ZNF558: variants seen among roughly 807,000 people sequenced by gnomAD.
The protein encoded by ZNF558 is zinc finger protein 558.
A neutral mutation model predicts 37.6 loss-of-function variants in ZNF558; 23 were observed. The observed-to-expected ratio is 0.61, with a 90% CI of 0.44 to 0.87. The LOEUF (loss-of-function observed/expected upper bound fraction) is 0.87. ZNF558 is among the 40% of genes least tolerant of loss of function. The probability of loss-of-function intolerance (pLI) is 0.00; values close to 1 mark genes in which losing one functional copy is unlikely to be tolerated. For missense variants in ZNF558, 429 were observed against 483.7 expected, an observed-to-expected ratio of 0.89 and a Z score of 1.06; for synonymous variants, 189 against 174.4, an observed-to-expected ratio of 1.08 and a Z score of -0.66.
rs2043780695 is a variant in ZNF558, at chr19:8,811,274, C to CTT, written c.*6_*7insAA. 1 of 1,544,606 alleles carries CTT rather than the reference C, an allele frequency of 6.5e-7. No homozygotes were observed. Among genetic ancestry groups the CTT allele is most frequent in the Non-Finnish European group, 8.7e-7 (1 of 1,148,460 alleles). ...GAGTGCTTTCCTCCAGAAGTTCCTGCAGTAATTCATATCCATCTATTATGT... is the reference window on the plus strand; with the variant it reads ...GAGTGCTTTCCTCCAGAAGTTCCTGCTTAGTAATTCATATCCATCTATTATGT... On this transcript the variant is annotated 3_prime_UTR_variant, in exon 10 of 10. Transcript: ENST00000601372.
At chr19:8,818,577 C>G (rs1213663233) in intron 7 of ZNF558, among the ~76,000 whole-genome samples, 1 of 152,036 alleles carries the variant, frequency 6.6e-6, no homozygotes, top group African/African-American at 2.4e-5. Flanking sequence ...TTCAGAAATA[C>G]ACAAACTGAT....
Position 8,826,020 on chromosome 19 carries a change from C to T in ZNF558, c.-508-912G>A, listed in dbSNP as rs139248622. ...GGGATGAGATGAGAGAAGAAGGGAGCGTGTGTGTAGCAGGGAGGAGATAAC... is the reference window on the plus strand; with the variant it reads ...GGGATGAGATGAGAGAAGAAGGGAGTGTGTGTGTAGCAGGGAGGAGATAAC... On this transcript the variant is annotated intron_variant, in intron 2 of 9. Coordinates refer to ENST00000601372, the MANE Select transcript of ZNF558 (RefSeq NM_144693.3). Among the ~76,000 whole-genome samples the T allele has an allele frequency of 1.5e-3, 235 of 152,112 alleles. 8 individuals carry two copies. The East Asian group carries it at 0.029, about 19-fold the overall frequency.
At position 8,824,320 on chromosome 19, in the gene ZNF558, C is replaced by T. The variant is rs2044180812; in HGVS notation, c.-304G>A. 2.0e-5 allele frequency: 3 copies of T among 152,214 alleles called. No individual in the cohort carries two copies. The highest frequency in any genetic ancestry group is 4.8e-5 in the African/African-American group (2 of 41,442). The allele number at this position is 152,214 out of a possible 1,614,324, so 9.4% of individuals were successfully genotyped here. A position where few individuals can be genotyped will look rare whatever the true frequency, so the allele number is the denominator to read the frequency against. On this transcript the variant is annotated 5_prime_UTR_variant, in exon 4 of 10. Coordinates refer to ENST00000601372, the MANE Select transcript of ZNF558 (RefSeq NM_144693.3). Reference sequence around the variant, plus strand: ...CTCTGACTCGCAGGCCATGGAGTGGCCCCCGGTACCCGTTGAGCCTTCAGA... The same window carrying T: ...CTCTGACTCGCAGGCCATGGAGTGGTCCCCGGTACCCGTTGAGCCTTCAGA...
chr19:8,830,709 TG>T (rs2044331480), intron 2 of ZNF558: 1 of 152,128 alleles, frequency 6.6e-6, no homozygotes, highest in Non-Finnish European at 1.5e-5. Flanking sequence ...CTGGCCAACA[TG>T]GCAAAAACCT....
Position 8,821,347 on chromosome 19 carries a change from C to G in ZNF558, c.121-41G>C, listed in dbSNP as rs762941109. ...CATCACGGCTTAGCCAAGGACCACC[C>G]CCACCAACGTGCACAGGAAGAGGGG... On this transcript the variant is annotated intron_variant, in intron 6 of 9. Coordinates refer to ENST00000601372, the MANE Select transcript of ZNF558 (RefSeq NM_144693.3). The G allele has an allele frequency of 2.5e-6, 4 of 1,614,024 alleles. No homozygotes were observed. In the East Asian group the frequency reaches 8.9e-5, roughly 36 times the overall value.
chr19:8,813,687 A>G (rs59697429), intron 7 of ZNF558, among the ~76,000 whole-genome samples: 22 of 152,352 alleles, frequency 1.4e-4, no homozygotes, highest in African/African-American at 5.3e-4. Context: ...ATTCTAGTGC[A>G]TATGGTAACT....
chr19:8,821,053 T>C, intron 7 of ZNF558, 127 bp downstream of exon 7: 2 of 1,400,682 alleles, frequency 1.4e-6, no homozygotes, highest in Middle Eastern at 2.1e-4. Flanking sequence ...GGACTGGATA[T>C]CTTAGAATGG....
At chr19:8,819,501 T>C (rs527695144) in intron 7 of ZNF558, among the ~76,000 whole-genome samples, 1 of 152,218 alleles carries the variant, frequency 6.6e-6, no homozygotes, top group South Asian at 2.1e-4. Flanking sequence ...CTTTTGTGCA[T>C]CAAAGGACAC....
intron 9 of ZNF558, 24 bp downstream of exon 9, chr19:8,812,537 A>G (rs1555768653): frequency 6.7e-7 from 1 of 1,492,428 alleles, no homozygotes; most frequent in East Asian, 2.4e-5. Flanking sequence ...GTAGAAAACC[A>G]GAAATCACCC....
At chr19:8,833,830 A>G (rs2044419266), upstream of ZNF558, among the ~76,000 whole-genome samples, 1 of 152,148 alleles carries the variant, frequency 6.6e-6, no homozygotes, top group South Asian at 2.1e-4. Context: ...TCTACTAAAA[A>G]TACAAAATTA....
chr19:8,813,292 C>T, intron 7 of ZNF558, 70 bp from the exon 8 acceptor site: 1 of 1,221,324 alleles, frequency 8.2e-7, no homozygotes, highest in Non-Finnish European at 1.2e-6. Flanking sequence ...GAAAGAAAGC[C>T]AACATTTATG....
At chr19:8,831,739 T>C (rs2044362104) in intron 1 of ZNF558, among the ~76,000 whole-genome samples, 1 of 152,216 alleles carries the variant, frequency 6.6e-6, no homozygotes, top group Admixed American at 6.5e-5. Context: ...TTTTTAACAA[T>C]TTATGTAGTT....
upstream of ZNF558, among the ~76,000 whole-genome samples, chr19:8,834,960 G>C (rs1031581481): frequency 2.0e-5 from 3 of 151,658 alleles, no homozygotes; most frequent in Admixed American, 1.3e-4. Flanking sequence ...ATTTACAAAT[G>C]ATTTATCTGA....
At chr19:8,827,336 T>C (rs913435626) in intron 2 of ZNF558, among the ~76,000 whole-genome samples, 2 of 152,106 alleles carry the variant, frequency 1.3e-5, no homozygotes, top group Non-Finnish European at 2.9e-5. Flanking sequence ...TTGGGAGCAA[T>C]CATCTGATTC....
chr19:8,823,478 A>AC (rs1297914309), intron 4 of ZNF558, among the ~76,000 whole-genome samples: 1 of 74,246 alleles, frequency 1.3e-5, no homozygotes, highest in Non-Finnish European at 2.6e-5. Context: ...TGCCTTGGTC[A>AC]CCCCCCTCCT....
chr19:8,827,994 T>C (rs2044270574), intron 2 of ZNF558, among the ~76,000 whole-genome samples: 1 of 152,200 alleles, frequency 6.6e-6, no homozygotes, highest in Non-Finnish European at 1.5e-5. Flanking sequence ...AGTGCTCTCT[T>C]GGACATAACC....
At chr19:8,812,729 CA>C (rs2043827237) in intron 8 of ZNF558, 86 bp from the exon 9 acceptor site, 12 of 794,876 alleles carry the variant, frequency 1.5e-5, no homozygotes, top group Non-Finnish European at 2.1e-5. Context: ...TCTGAGGGAT[CA>C]GGGTTTTTGA....
At chr19:8,836,617 G>A (rs988677269), upstream of ZNF558, among the ~76,000 whole-genome samples, 4 of 151,854 alleles carry the variant, frequency 2.6e-5, no homozygotes, top group East Asian at 3.9e-4. Context: ...TCAGCTTCCC[G>A]AGTAGCTGGG....
At position 8,809,788 on chromosome 19, in the gene ZNF558, A is replaced by G. The variant is rs1599243957; in HGVS notation, c.*1493T>C. 1 of 152,344 alleles carries G rather than the reference A, an allele frequency of 6.6e-6. No homozygotes were observed. The highest frequency in any genetic ancestry group is 1.9e-4 in the East Asian group (1 of 5,182). The allele number at this position is 152,344 out of a possible 1,614,324, so 9.4% of individuals were successfully genotyped here. A position where few individuals can be genotyped will look rare whatever the true frequency, so the allele number is the denominator to read the frequency against. On this transcript the variant is annotated 3_prime_UTR_variant, in exon 10 of 10. Transcript: ENST00000601372. ...ATTAAAAGAAAAAAAGACTAAAAAA[A>G]TTAATGAGCCAGCAGTCCAATCTAC...
Sources: gnomAD v4.1 joint callset for allele counts (sites outside exome capture counted in the v4.1 genomes callset) on GRCh38, gnomAD v4.1.1 for gene constraint, MANE v1.5 for transcripts, NCBI Gene and HGNC (gene_info 2026-07-23, HGNC 2026-07-21) for gene names.